CCDC57: variants seen among roughly 807,000 people sequenced by gnomAD.
CCDC57 encodes coiled-coil domain containing 57, also known as coiled-coil domain-containing protein 57.
CCDC57 carries 118 observed loss-of-function variants against 118.9 expected under a neutral mutation model. The observed-to-expected ratio is 0.99, with a 90% CI of 0.86 to 1.16. The LOEUF is 1.16. Among genes scored for constraint, CCDC57 ranks in the 50% most tolerant of loss-of-function variants. The pLI, the probability that CCDC57 is intolerant of heterozygous loss-of-function variation, is 0.00. For synonymous variants in CCDC57, 527 were observed against 532.9 expected, an observed-to-expected ratio of 0.99 and a Z score of 0.15; for missense variants, 1,300 against 1,320.7, an observed-to-expected ratio of 0.98 and a Z score of 0.24.
intron 14 of CCDC57, among the ~76,000 whole-genome samples, chr17:82,159,055 T>C (rs980985584): frequency 3.3e-5 from 5 of 152,298 alleles, no homozygotes; most frequent in Non-Finnish European, 7.4e-5. Flanking sequence ...TTATTACAGA[T>C]GGGGTCTTGC....
chr17:82,166,720 C>A (rs2044032333), intron 13 of CCDC57, among the ~76,000 whole-genome samples: 1 of 152,110 alleles, frequency 6.6e-6, no homozygotes, highest in African/African-American at 2.4e-5. Context: ...CCAGCCTGGG[C>A]AACATAGTGA....
At chr17:82,131,215 G>A (rs1378419124) in intron 17 of CCDC57, among the ~76,000 whole-genome samples, 1 of 148,436 alleles carries the variant, frequency 6.7e-6, no homozygotes, top group Non-Finnish European at 1.5e-5. Flanking sequence ...TGGATTACTT[G>A]AGGTCAGGAG....
chr17:82,120,111 T>C (rs1568164804), intron 19 of CCDC57, among the ~76,000 whole-genome samples: 1 of 152,186 alleles, frequency 6.6e-6, no homozygotes, highest in African/African-American at 2.4e-5. Context: ...GTCGTTCATG[T>C]CATTAATTTA....
At chr17:82,190,936 G>T (rs2047596247) in intron 7 of CCDC57, among the ~76,000 whole-genome samples, 1 of 151,484 alleles carries the variant, frequency 6.6e-6, no homozygotes, top group Non-Finnish European at 1.5e-5. Flanking sequence ...CTGAAAGCCT[G>T]GCAGGCTTCC....
exon 16 of CCDC57, chr17:82,151,634 A>T (rs546772490): frequency 1.3e-6 from 2 of 1,550,382 alleles, no homozygotes; most frequent in East Asian, 2.4e-5. Flanking sequence ...GCGGAGGCTG[A>T]TGATTTTTCT....
At chr17:82,166,355 A>T (rs2043984103) in intron 13 of CCDC57, among the ~76,000 whole-genome samples, 1 of 151,758 alleles carries the variant, frequency 6.6e-6, no homozygotes, top group African/African-American at 2.4e-5. Context: ...ACAAAAAAAA[A>T]AAAAAAATTA....
chr17:82,200,887 G>A (rs2048916257), intron 3 of CCDC57, among the ~76,000 whole-genome samples: 2 of 152,214 alleles, frequency 1.3e-5, no homozygotes, highest in Admixed American at 1.3e-4. Flanking sequence ...TGTAAACAGA[G>A]CATGCAGCCG....
intron 19 of CCDC57, among the ~76,000 whole-genome samples, chr17:82,109,241 TCA>T (rs1417532188): frequency 6.6e-6 from 1 of 152,018 alleles, no homozygotes; most frequent in Non-Finnish European, 1.5e-5. Flanking sequence ...GCAGGAGAGC[TCA>T]GACTCCAGGG....
intron 16 of CCDC57, among the ~76,000 whole-genome samples, chr17:82,138,888 A>G (rs2039656446): frequency 6.6e-6 from 1 of 152,204 alleles, no homozygotes; most frequent in Non-Finnish European, 1.5e-5. Context: ...AAACCCCGTC[A>G]CTGCCGTTAC....
At chr17:82,149,508 C>G (rs1018003239) in intron 16 of CCDC57, among the ~76,000 whole-genome samples, 33 of 152,250 alleles carry the variant, frequency 2.2e-4, no homozygotes, top group Admixed American at 6.5e-4. Flanking sequence ...CTGCTCACCA[C>G]AGAGCCGCAC....
chr17:82,126,815 A>G, intron 19 of CCDC57: 1 of 985,468 alleles, frequency 1.0e-6, no homozygotes, highest in Non-Finnish European at 1.2e-6. Context: ...AAGGACTGGA[A>G]ATAGCCTAAA....
chr17:82,139,908 C>T (rs1052035328), intron 16 of CCDC57, among the ~76,000 whole-genome samples: 1 of 152,204 alleles, frequency 6.6e-6, no homozygotes. Flanking sequence ...GGGGATGAAC[C>T]GATGGTGGAG....
intron 7 of CCDC57, 139 bp from the exon 7 acceptor site, chr17:82,188,558 T>G: frequency 1.2e-6 from 1 of 847,044 alleles, no homozygotes; most frequent in East Asian, 2.8e-5. Context: ...AGCAGCCACC[T>G]GGCCACCTGT....
rs200366465 is a variant in CCDC57 at position 82,194,305 on chromosome 17, A to G, written c.619-166T>C. 3.7e-3 allele frequency: 2,320 copies of G among 631,522 alleles called. 38 individuals are homozygous for G. In the African/African-American group the frequency reaches 0.052, roughly 14 times the overall value. 39.1% of individuals were successfully genotyped at this position (631,522 alleles called of 1,614,324 possible). ...CCTAACACAACTCAAACGAGACTCA[A>G]TGACTTTTTTTTTTTTCTTTTTGGA... On this transcript the variant is annotated intron_variant, in intron 5 of 19. Coordinates refer to ENST00000665763, the Ensembl canonical transcript of CCDC57.
At chr17:82,143,527 C>T (rs1217025876) in intron 16 of CCDC57, among the ~76,000 whole-genome samples, 2 of 151,926 alleles carry the variant, frequency 1.3e-5, no homozygotes, top group Non-Finnish European at 2.9e-5. Context: ...CACACGCGCA[C>T]ACACCCCACA....
intron 19 of CCDC57, chr17:82,126,293 A>G: frequency 1.3e-6 from 1 of 744,624 alleles, no homozygotes; most frequent in South Asian, 6.0e-5. Context: ...AGGAAAAAAA[A>G]AAAAAACAGA....
intron 2 of CCDC57, among the ~76,000 whole-genome samples, chr17:82,207,106 G>A (rs2049754569): frequency 6.6e-6 from 1 of 152,174 alleles, no homozygotes; most frequent in Non-Finnish European, 1.5e-5. Context: ...CACTTTGGGA[G>A]GCTGAGGCTG....
At chr17:82,111,194 C>T (rs1445129253) in intron 19 of CCDC57, among the ~76,000 whole-genome samples, 1 of 150,986 alleles carries the variant, frequency 6.6e-6, no homozygotes, top group Non-Finnish European at 1.5e-5. Flanking sequence ...CTCCTGGGTT[C>T]ACGCCATTCT....
chr17:82,207,495 TG>T (rs1028256694), intron 2 of CCDC57: 1 of 152,204 alleles, frequency 6.6e-6, no homozygotes, highest in Non-Finnish European at 1.5e-5. Context: ...CTGCACTCCA[TG>T]GATCAGCTGG....
Sources: gnomAD v4.1 joint callset for allele counts (sites outside exome capture counted in the v4.1 genomes callset) on GRCh38, gnomAD v4.1.1 for gene constraint, MANE v1.5 for transcripts, NCBI Gene and HGNC (gene_info 2026-07-23, HGNC 2026-07-21) for gene names.